Variants in CNTN5 observed in about 807,000 individuals in gnomAD.
CNTN5 encodes the protein contactin-5.
CNTN5 carries 77 observed loss-of-function variants against 129.1 expected under a neutral mutation model. That is an observed-to-expected ratio of 0.60 (90% confidence interval 0.50 to 0.72). CNTN5 has a LOEUF of 0.72. Among genes scored for constraint, CNTN5 ranks in the 30% least tolerant of loss-of-function variants. CNTN5 has a pLI of 0.00. For synonymous variants in CNTN5, 509 were observed against 465.6 expected, an observed-to-expected ratio of 1.09 and a Z score of -1.20; for missense variants, 1,478 against 1,328.8, an observed-to-expected ratio of 1.11 and a Z score of -1.75.
At chr11:100,064,389 T>C (rs1056747767) in intron 10 of CNTN5, among the ~76,000 whole-genome samples, 1 of 152,162 alleles carries the variant, frequency 6.6e-6, no homozygotes, top group African/African-American at 2.4e-5. Flanking sequence ...CTGTTTTTAA[T>C]TCAGTATCTA....
intron 1 of CNTN5, among the ~76,000 whole-genome samples, chr11:99,099,603 T>C (rs1047403008): frequency 6.6e-6 from 1 of 151,698 alleles, no homozygotes; most frequent in Non-Finnish European, 1.5e-5. Context: ...AGCACAGTGC[T>C]GCACACATAT....
chr11:99,061,163 G>A (rs1864859702), intron 1 of CNTN5, among the ~76,000 whole-genome samples: 1 of 152,126 alleles, frequency 6.6e-6, no homozygotes, highest in Non-Finnish European at 1.5e-5. Context: ...GATCCAACAG[G>A]TTGTAAGAAA....
intron 8 of CNTN5, among the ~76,000 whole-genome samples, chr11:99,987,132 A>G (rs1312481021): frequency 2.0e-5 from 3 of 152,150 alleles, no homozygotes; most frequent in Admixed American, 2.0e-4. Context: ...CCTAGCTCCT[A>G]TGCCACCTGT....
At chr11:99,792,417 C>T (rs543572698) in intron 3 of CNTN5, among the ~76,000 whole-genome samples, 79 of 151,996 alleles carry the variant, frequency 5.2e-4, no homozygotes, top group Non-Finnish European at 9.0e-4. Context: ...TATGTTGAAC[C>T]CACCTTACTT....
chr11:100,182,953 AG>A (rs1474195008), intron 13 of CNTN5, among the ~76,000 whole-genome samples: 3 of 152,124 alleles, frequency 2.0e-5, no homozygotes, highest in African/African-American at 7.2e-5. Context: ...TTGATAAAAA[AG>A]GGTAAATATT....
rs113002434 is a variant in CNTN5 at position 99,132,535 on chromosome 11, T to C, written c.-210+111265T>C. Among the ~76,000 whole-genome samples, 26 of 152,318 alleles carry C rather than the reference T, an allele frequency of 1.7e-4. 1 individual carries two copies. The highest frequency in any genetic ancestry group is 5.5e-4 in the African/African-American group (23 of 41,572). On this transcript the variant is annotated intron_variant, in intron 1 of 24. Coordinates refer to ENST00000524871, the MANE Select transcript of CNTN5 (RefSeq NM_014361.4). The stretch of plus-strand genomic sequence containing the variant: ...GACTCAGCCCAAAAGCTTCTTTAGC[T>C]GATAAGCAACTTCAGTAAAGTCTCA...
chr11:100,018,262 C>T (rs1940941063), intron 9 of CNTN5, among the ~76,000 whole-genome samples: 1 of 151,826 alleles, frequency 6.6e-6, no homozygotes, highest in Admixed American at 6.6e-5. Context: ...ATATCCAGTA[C>T]CTACCTATTA....
chr11:100,059,767 A>G (rs777804930), intron 9 of CNTN5, among the ~76,000 whole-genome samples: 3 of 152,192 alleles, frequency 2.0e-5, no homozygotes, highest in Non-Finnish European at 4.4e-5. Flanking sequence ...TATTATTGAA[A>G]AACAATTTGG....
intron 2 of CNTN5, among the ~76,000 whole-genome samples, chr11:99,509,435 G>A (rs1946750600): frequency 1.3e-5 from 2 of 152,294 alleles, no homozygotes; most frequent in East Asian, 1.9e-4. Context: ...ATTCAAAATA[G>A]AAATGGTGAA....
intron 3 of CNTN5, among the ~76,000 whole-genome samples, chr11:99,719,081 G>A (rs1849277): frequency 0.37 from 56,549 of 151,868 alleles, 11,328 homozygotes; most frequent in East Asian, 0.8. Flanking sequence ...CACTTTGGGA[G>A]GCCGAAGCAG....
At chr11:99,030,452 T>A (rs1236563358) in intron 1 of CNTN5, among the ~76,000 whole-genome samples, 3 of 152,166 alleles carry the variant, frequency 2.0e-5, no homozygotes, top group Non-Finnish European at 1.5e-5. Context: ...TTAATGACCT[T>A]ATTTTATTTG....
intron 2 of CNTN5, among the ~76,000 whole-genome samples, chr11:99,445,587 T>G (rs1445443074): frequency 6.6e-6 from 1 of 152,194 alleles, no homozygotes; most frequent in East Asian, 1.9e-4. Context: ...CAATTTTTCT[T>G]GCATTCTTTA....
intron 3 of CNTN5, among the ~76,000 whole-genome samples, chr11:99,663,815 C>T (rs1352282903): frequency 2.0e-5 from 3 of 152,174 alleles, no homozygotes; most frequent in Admixed American, 1.3e-4. Context: ...GTCAATTAAA[C>T]CTCTTTTCTT....
At chr11:99,764,004 TA>T (rs1375835237) in intron 3 of CNTN5, among the ~76,000 whole-genome samples, 1 of 152,136 alleles carries the variant, frequency 6.6e-6, no homozygotes, top group Non-Finnish European at 1.5e-5. Context: ...ATATTTATAT[TA>T]TTTTTTTTCC....
chr11:100,176,733 G>A (rs1947978405), intron 13 of CNTN5, among the ~76,000 whole-genome samples: 1 of 152,004 alleles, frequency 6.6e-6, no homozygotes. Flanking sequence ...TCCATGAGGG[G>A]AATGGAAGAT....
chr11:99,473,074 C>T (rs933466698), intron 2 of CNTN5, among the ~76,000 whole-genome samples: 1 of 152,118 alleles, frequency 6.6e-6, no homozygotes, highest in African/African-American at 2.4e-5. Flanking sequence ...TTAGAGTATA[C>T]ATATTTATTT....
In CNTN5 at chr11:100,357,192, C is replaced by A. The variant is rs1952543072; in HGVS notation, c.*972C>A. 6.6e-6 allele frequency: 1 copy of A among 151,676 alleles called. No homozygotes were observed. The highest frequency in any genetic ancestry group is 2.4e-5 in the African/African-American group (1 of 41,374). 9.4% of individuals were successfully genotyped at this position (151,676 alleles called of 1,614,324 possible). A position where few individuals can be genotyped will look rare whatever the true frequency, so the allele number is the denominator to read the frequency against. ...AAAATTTGTTGTGCAAATAATTATG[C>A]ATAGTCTGTAGATTAAAATGGTTCA... is the stretch of plus-strand genomic sequence containing the variant. On this transcript the variant is annotated 3_prime_UTR_variant, in exon 25 of 25. Coordinates refer to ENST00000524871, the MANE Select transcript of CNTN5 (RefSeq NM_014361.4).
At chr11:100,309,901 G>A (rs375208080) in intron 21 of CNTN5, among the ~76,000 whole-genome samples, 8 of 151,728 alleles carry the variant, frequency 5.3e-5, no homozygotes, top group African/African-American at 1.5e-4. Flanking sequence ...AAGTGACCTC[G>A]CCACACTTAG....
At chr11:99,889,413 C>T (rs117585660) in intron 6 of CNTN5, among the ~76,000 whole-genome samples, 2 of 148,862 alleles carry the variant, frequency 1.3e-5, no homozygotes, top group Non-Finnish European at 3.0e-5. Context: ...AAGTAAAATA[C>T]AGTATTCTAT....
Sources: allele counts gnomAD v4.1 joint callset (sites outside exome capture counted in the v4.1 genomes callset), GRCh38; gene constraint gnomAD v4.1.1; transcripts MANE v1.5; gene names NCBI Gene and HGNC (gene_info 2026-07-23, HGNC 2026-07-21).